Variants in WWOX observed in about 807,000 individuals in gnomAD.
WWOX encodes WW domain-containing oxidoreductase.
WWOX carries 69 observed loss-of-function variants against 46.2 expected under a neutral mutation model. The observed-to-expected ratio is 1.49, with a 90% CI of 1.23 to 1.82. WWOX has a LOEUF of 1.82. Ranked by LOEUF, WWOX falls within the 40% of genes most tolerant of loss-of-function variation. The probability of loss-of-function intolerance (pLI) is 0.00; values close to 1 mark genes in which losing one functional copy is unlikely to be tolerated. For synonymous variants in WWOX, 359 were observed against 202.6 expected (o/e 1.77, Z -6.56); for missense variants, 919 against 542.6 (o/e 1.69, Z -6.89).
At position 78,384,055 on chromosome 16, in the gene WWOX, G is replaced by A. The variant is rs548372013; in HGVS notation, c.517-2805G>A. ...GCTAGTTGGCTGTGCTATCATTTTT[G>A]TTGAAATACTGCTTTGGGGTCGCCA... On this transcript the variant is annotated intron_variant, in intron 5 of 8. Coordinates refer to ENST00000566780, the MANE Select transcript of WWOX (RefSeq NM_016373.4). 2.6e-5 allele frequency among the ~76,000 whole-genome samples: 4 copies of A among 152,284 alleles called. No individual in the cohort carries two copies. In the South Asian group the frequency reaches 8.3e-4, roughly 32 times the overall value.
At chr16:78,495,329 C>CG (rs1242749099) in intron 8 of WWOX, among the ~76,000 whole-genome samples, 1 of 151,522 alleles carries the variant, frequency 6.6e-6, no homozygotes, top group African/African-American at 2.4e-5. Flanking sequence ...TTAGTATAGA[C>CG]GGGGTTTCAC....
chr16:78,216,520 G>T (rs1026915148), intron 5 of WWOX, among the ~76,000 whole-genome samples: 2 of 96,090 alleles, frequency 2.1e-5, no homozygotes, highest in Non-Finnish European at 4.0e-5. Flanking sequence ...CTGGGGGAAG[G>T]TCGTTCCTTG....
intron 5 of WWOX, among the ~76,000 whole-genome samples, chr16:78,199,463 A>C (rs769615178): frequency 1.3e-5 from 2 of 152,172 alleles, no homozygotes; most frequent in Non-Finnish European, 2.9e-5. Flanking sequence ...AGGGTCAACT[A>C]ATCTTTCCCT....
chr16:78,583,859 C>G (rs376028375), intron 8 of WWOX, among the ~76,000 whole-genome samples: 1 of 152,188 alleles, frequency 6.6e-6, no homozygotes, highest in Non-Finnish European at 1.5e-5. Flanking sequence ...GAGCTTTATT[C>G]GAGCAAAGCT....
In WWOX at chr16:78,922,214, G is replaced by T. The variant is rs527485928; in HGVS notation, c.1057-289394G>T. Among the ~76,000 whole-genome samples, 5 of 152,196 alleles carry T rather than the reference G, an allele frequency of 3.3e-5. No individual in the cohort carries two copies. The East Asian group carries it at 7.8e-4, about 24-fold the overall frequency. On this transcript the variant is annotated intron_variant, in intron 8 of 8. Coordinates refer to ENST00000566780, the MANE Select transcript of WWOX (RefSeq NM_016373.4). Reference sequence around the variant, plus strand: ...CTGTGGTACAGTGTCCCTACCCTAAGCAATATTGTTGGTCCTTTAAGAATG... The same window carrying T: ...CTGTGGTACAGTGTCCCTACCCTAATCAATATTGTTGGTCCTTTAAGAATG...
chr16:79,209,682 G>A (rs776324791), intron 8 of WWOX, among the ~76,000 whole-genome samples: 1 of 152,180 alleles, frequency 6.6e-6, no homozygotes, highest in Admixed American at 6.5e-5. Context: ...AGAACTCTAA[G>A]ATTCCAGGCC....
chr16:78,740,541 C>T (rs1264912501), intron 8 of WWOX, among the ~76,000 whole-genome samples: 11 of 152,130 alleles, frequency 7.2e-5, no homozygotes, highest in East Asian at 5.8e-4. Flanking sequence ...CAGAGTTCCA[C>T]GTGTAGAGGG....
At chr16:78,466,100 C>T (rs988563934) in intron 8 of WWOX, among the ~76,000 whole-genome samples, 2 of 151,940 alleles carry the variant, frequency 1.3e-5, no homozygotes, top group African/African-American at 4.8e-5. Flanking sequence ...GGCACCATCT[C>T]TGCTCACTGC....
chr16:78,493,487 C>T (rs1156951437), intron 8 of WWOX, among the ~76,000 whole-genome samples: 3 of 152,194 alleles, frequency 2.0e-5, no homozygotes, highest in Non-Finnish European at 2.9e-5. Flanking sequence ...TTTTCTTTAA[C>T]AGCACAGAAG....
At chr16:78,761,734 G>A (rs561278219) in intron 8 of WWOX, among the ~76,000 whole-genome samples, 2 of 152,274 alleles carry the variant, frequency 1.3e-5, no homozygotes, top group African/African-American at 4.8e-5. Flanking sequence ...GGTCCTCTTT[G>A]AAATCCCACA....
chr16:78,845,183 T>G (rs1477427706), intron 8 of WWOX, among the ~76,000 whole-genome samples: 1 of 141,976 alleles, frequency 7.0e-6, no homozygotes, highest in African/African-American at 2.6e-5. Context: ...GGACTGGTCT[T>G]AAAAAAAAAA....
chr16:79,060,913 C>T (rs925738306), intron 8 of WWOX, among the ~76,000 whole-genome samples: 1 of 152,134 alleles, frequency 6.6e-6, no homozygotes, highest in Non-Finnish European at 1.5e-5. Context: ...TTCCATCCAC[C>T]CAAAAGCACT....
chr16:78,356,120 GA>G (rs2081284030), intron 5 of WWOX, among the ~76,000 whole-genome samples: 1 of 59,418 alleles, frequency 1.7e-5, no homozygotes, highest in Non-Finnish European at 3.7e-5. Flanking sequence ...CCGGGAGGTG[GA>G]GGTTGCAGTG....
At chr16:78,718,971 A>AT (rs78211885) in intron 8 of WWOX, among the ~76,000 whole-genome samples, 6,599 of 152,014 alleles carry the variant, frequency 0.043, 460 homozygotes, top group African/African-American at 0.15. Context: ...ACTCATTCAC[A>AT]TTTTTTTGAG....
At chr16:78,179,802 A>G (rs1042485048) in intron 5 of WWOX, 1 of 152,202 alleles carries the variant, frequency 6.6e-6, no homozygotes, top group Non-Finnish European at 1.5e-5. Flanking sequence ...TACCATAGGG[A>G]TGTGGAAGCC....
intron 8 of WWOX, among the ~76,000 whole-genome samples, chr16:78,685,883 G>A (rs2047844021): frequency 7.2e-6 from 1 of 139,834 alleles, no homozygotes; most frequent in African/African-American, 2.5e-5. Flanking sequence ...AAGGGAAAGA[G>A]AGAGAGAGGA....
intron 8 of WWOX, among the ~76,000 whole-genome samples, chr16:78,620,361 A>G (rs985013424): frequency 1.3e-5 from 2 of 152,190 alleles, no homozygotes; most frequent in African/African-American, 2.4e-5. Flanking sequence ...TCAGGTGCTT[A>G]GGTTTGACAA....
chr16:78,311,921 A>C (rs955432426), intron 5 of WWOX, among the ~76,000 whole-genome samples: 7 of 152,150 alleles, frequency 4.6e-5, no homozygotes, highest in Non-Finnish European at 1.0e-4. Context: ...GCTAAAATCC[A>C]GGTGTCTTCA....
At chr16:78,678,820 C>G (rs776254202) in intron 8 of WWOX, among the ~76,000 whole-genome samples, 13 of 152,118 alleles carry the variant, frequency 8.5e-5, no homozygotes, top group Non-Finnish European at 1.6e-4. Context: ...CCCTCATTGA[C>G]TTCTCAGAGC....
Sources: gnomAD v4.1 joint callset for allele counts (sites outside exome capture counted in the v4.1 genomes callset) on GRCh38, gnomAD v4.1.1 for gene constraint, MANE v1.5 for transcripts, NCBI Gene and HGNC (gene_info 2026-07-23, HGNC 2026-07-21) for gene names.